RCAN1: variants seen among roughly 807,000 people sequenced by gnomAD.
RCAN1 encodes calcipressin-1.
In RCAN1, 11 loss-of-function variants were observed where a neutral mutation model predicts 22.9. The ratio of observed to expected loss-of-function variants is 0.48; its 90% confidence interval spans 0.30 to 0.79. The LOEUF (loss-of-function observed/expected upper bound fraction) is 0.79. Among genes scored for constraint, RCAN1 ranks in the 30% least tolerant of loss-of-function variants. RCAN1 has a pLI of 0.06. For missense variants in RCAN1, 291 were observed against 337.8 expected, an observed-to-expected ratio of 0.86 and a Z score of 1.09; for synonymous variants, 136 against 142.3, an observed-to-expected ratio of 0.96 and a Z score of 0.32.
At chr21:34,592,741 A>G (rs902700819) in intron 1 of RCAN1, among the ~76,000 whole-genome samples, 3 of 152,202 alleles carry the variant, frequency 2.0e-5, no homozygotes, top group African/African-American at 7.2e-5. Flanking sequence ...ATTCCAAGAA[A>G]AAACATTTCT....
At chr21:34,575,726 G>A (rs1412739742) in intron 1 of RCAN1, among the ~76,000 whole-genome samples, 3 of 152,118 alleles carry the variant, frequency 2.0e-5, no homozygotes. Context: ...AGGAAGATTG[G>A]TGACTGGACT....
intron 1 of RCAN1, among the ~76,000 whole-genome samples, chr21:34,527,854 T>TAA (rs3831799): frequency 1.6e-4 from 20 of 124,620 alleles, no homozygotes; most frequent in Middle Eastern, 4.2e-3. Flanking sequence ...AAACTAAATG[T>TAA]AAAAAAAAAA....
At chr21:34,598,491 C>T (rs886733756) in intron 1 of RCAN1, among the ~76,000 whole-genome samples, 2 of 152,188 alleles carry the variant, frequency 1.3e-5, no homozygotes, top group Non-Finnish European at 2.9e-5. Context: ...CCACAGGTAA[C>T]ATGCAAACGA....
chr21:34,585,949 G>T (rs555173422), intron 1 of RCAN1, among the ~76,000 whole-genome samples: 1 of 151,970 alleles, frequency 6.6e-6, no homozygotes, highest in East Asian at 1.9e-4. Flanking sequence ...CAAAAAAGAT[G>T]GACATTTAAT....
intron 1 of RCAN1, among the ~76,000 whole-genome samples, chr21:34,596,062 AGTGGACTCTCGGCACTTTCTGTCT>A (rs1490794865): frequency 1.3e-5 from 2 of 151,838 alleles, no homozygotes; most frequent in East Asian, 3.9e-4. Context: ...ATCTGTGGAG[AGTGGACTCTCGGCACTTTCTGTCT>A]GTGGACTCAC....
At chr21:34,564,062 C>T (rs13052888) in intron 1 of RCAN1, among the ~76,000 whole-genome samples, 29,492 of 151,862 alleles carry the variant, frequency 0.19, 3,078 homozygotes, top group Non-Finnish European at 0.23. Context: ...CCTCAGGAAC[C>T]TTACAATCAT....
Position 34,614,904 on chromosome 21 carries a change from G to A in RCAN1, c.108C>T (p.Leu36=). 7.0e-7 allele frequency: 1 copy of A among 1,426,650 alleles called. No homozygotes were observed. The highest frequency in any genetic ancestry group is 9.2e-7 in the Non-Finnish European group (1 of 1,083,454). 88.4% of individuals were successfully genotyped at this position (1,426,650 alleles called of 1,614,324 possible). The change falls in exon 1 of 4, where the codon CTC becomes CTT. Residue 36 remains leucine, a synonymous_variant. Transcript: ENST00000313806. This position sits in a 1 kb window ranked among gnomAD's most constrained non-coding sequence, Gnocchi z 6.0. ...CCTCGTCCGCCTCGGCCGCCCCCGAGAGGGGCGCGAAGGGCCGCAGCGTCA... is the reference window on the plus strand; with the variant it reads ...CCTCGTCCGCCTCGGCCGCCCCCGAAAGGGGCGCGAAGGGCCGCAGCGTCA... ...PGVTLRPFAP[L]SGAAEADEGG... is the part of the protein sequence containing the mutation.
chr21:34,579,771 T>A (rs1207107708), intron 1 of RCAN1, among the ~76,000 whole-genome samples: 2 of 152,110 alleles, frequency 1.3e-5, no homozygotes, highest in Admixed American at 1.3e-4. Context: ...TCCTTCAAAT[T>A]ACATTTTCTA....
At chr21:34,542,173 T>G (rs1426302571) in intron 1 of RCAN1, among the ~76,000 whole-genome samples, 1 of 152,150 alleles carries the variant, frequency 6.6e-6, no homozygotes, top group Admixed American at 6.5e-5. Flanking sequence ...ACAAATTCTC[T>G]GAAGATGGCT....
At position 34,614,322 on chromosome 21, in the gene RCAN1, G is replaced by A. The variant is rs1988759324; in HGVS notation, c.252+438C>T. 1.0e-6 allele frequency: 1 copy of A among 990,366 alleles called. No individual in the cohort carries two copies. Among genetic ancestry groups the A allele is most frequent in the Non-Finnish European group, 1.2e-6 (1 of 833,494 alleles). 61.3% of individuals were successfully genotyped at this position (990,366 alleles called of 1,614,324 possible). A position where few individuals can be genotyped will look rare whatever the true frequency, so the allele number is the denominator to read the frequency against. On this transcript the variant is annotated intron_variant, in intron 1 of 3. Transcript: ENST00000313806. This position sits in a 1 kb window ranked among gnomAD's most constrained non-coding sequence, Gnocchi z 6.0. ...CCAATAGTGCAGATTGGGAATGCAGGGACGTCGTCCTATTTATGAACACTG... is the reference window on the plus strand; with the variant it reads ...CCAATAGTGCAGATTGGGAATGCAGAGACGTCGTCCTATTTATGAACACTG...
chr21:34,525,194 G>A lies in RCAN1; in HGVS notation c.253-1484C>T, dbSNP rs1325396197. 9 of 1,550,514 alleles carry A rather than the reference G, an allele frequency of 5.8e-6. No homozygotes were observed. The Admixed American group carries it at 7.8e-5, about 14-fold the overall frequency. Reference sequence around the variant, plus strand: ...GTTCACTGCTAGCAAGCGCGGGGAGGCACTGGTGGATGCCTGCTCCACATG... The same window carrying A: ...GTTCACTGCTAGCAAGCGCGGGGAGACACTGGTGGATGCCTGCTCCACATG... On this transcript the variant is annotated intron_variant, in intron 1 of 3. Coordinates refer to ENST00000313806, the MANE Select transcript of RCAN1 (RefSeq NM_004414.7).
At chr21:34,613,169 A>G (rs1205533499) in intron 1 of RCAN1, among the ~76,000 whole-genome samples, 1 of 152,114 alleles carries the variant, frequency 6.6e-6, no homozygotes, top group Non-Finnish European at 1.5e-5. Context: ...AAATATCACC[A>G]TATCAGTAAG....
intron 1 of RCAN1, among the ~76,000 whole-genome samples, chr21:34,596,639 A>G (rs1235420351): frequency 2.0e-5 from 3 of 152,238 alleles, no homozygotes; most frequent in Non-Finnish European, 4.4e-5. Flanking sequence ...GAAGATGCAG[A>G]AAGTCTTCTT....
intron 1 of RCAN1, among the ~76,000 whole-genome samples, chr21:34,608,367 C>A (rs79610658): frequency 1.3e-5 from 2 of 152,190 alleles, no homozygotes; most frequent in South Asian, 4.2e-4. Context: ...TTGCACTTAC[C>A]GACTCGCTTC....
intron 1 of RCAN1, among the ~76,000 whole-genome samples, chr21:34,604,625 G>C (rs1302553824): frequency 2.0e-5 from 3 of 152,228 alleles, no homozygotes; most frequent in Admixed American, 6.5e-5. Flanking sequence ...TCACATTGAA[G>C]AAATGCTCTT....
chr21:34,549,665 C>T (rs998872685), intron 1 of RCAN1, among the ~76,000 whole-genome samples: 16 of 152,230 alleles, frequency 1.1e-4, no homozygotes, highest in Non-Finnish European at 1.6e-4. Flanking sequence ...TCTACAGCAG[C>T]TGTCTCCAAG....
At chr21:34,571,498 G>C (rs954971497) in intron 1 of RCAN1, among the ~76,000 whole-genome samples, 1 of 152,156 alleles carries the variant, frequency 6.6e-6, no homozygotes, top group Non-Finnish European at 1.5e-5. Context: ...TAATTAAAGA[G>C]AGCAAATTTC....
chr21:34,562,676 C>T (rs1986836296), intron 1 of RCAN1, among the ~76,000 whole-genome samples: 1 of 152,180 alleles, frequency 6.6e-6, no homozygotes, highest in Admixed American at 6.5e-5. Flanking sequence ...GGATCAAATC[C>T]CAGATTCGCT....
chr21:34,587,919 G>C (rs556511798), intron 1 of RCAN1, among the ~76,000 whole-genome samples: 2 of 152,292 alleles, frequency 1.3e-5, no homozygotes, highest in South Asian at 2.1e-4. Flanking sequence ...ATCAGTTAAA[G>C]GCCTTAACGG....
Sources: gnomAD v4.1 joint callset for allele counts (sites outside exome capture counted in the v4.1 genomes callset) on GRCh38, gnomAD v4.1.1 for gene constraint, Gnocchi (gnomAD v3.1) non-coding constraint, MANE v1.5 for transcripts, NCBI Gene and HGNC (gene_info 2026-07-23, HGNC 2026-07-21) for gene names.